TLL1: variants seen among roughly 807,000 people sequenced by gnomAD.
TLL1 encodes tolloid-like protein 1.
Under a neutral mutation model 128.2 loss-of-function variants are expected in TLL1, and 49 were observed. The observed-to-expected ratio is 0.38, with a 90% CI of 0.30 to 0.48. The LOEUF is 0.48. Ranked by LOEUF, TLL1 falls within the 20% of genes least tolerant of loss-of-function variation. The pLI, the probability that TLL1 is intolerant of heterozygous loss-of-function variation, is 0.96. For missense variants in TLL1, 1,123 were observed against 1,242.0 expected, an observed-to-expected ratio of 0.90 and a Z score of 1.44; for synonymous variants, 454 against 418.8, an observed-to-expected ratio of 1.08 and a Z score of -1.03.
chr4:165,886,591 T>C (rs2110821941), intron 1 of TLL1, among the ~76,000 whole-genome samples: 1 of 152,254 alleles, frequency 6.6e-6, no homozygotes, highest in South Asian at 2.1e-4. Context: ...GGTAGCAAAA[T>C]CTGAGAATGC....
chr4:166,091,643 A>G (rs1156841415), intron 19 of TLL1, among the ~76,000 whole-genome samples: 1 of 152,136 alleles, frequency 6.6e-6, no homozygotes, highest in Admixed American at 6.6e-5. Flanking sequence ...TGTATTTCAT[A>G]TTAACATTAG....
chr4:166,086,014 A>G (rs973998359), intron 18 of TLL1, among the ~76,000 whole-genome samples: 2 of 152,162 alleles, frequency 1.3e-5, no homozygotes, highest in African/African-American at 4.8e-5. Context: ...TGAGATAACA[A>G]TTATTTTGGT....
At chr4:165,933,359 G>T (rs551278636) in intron 1 of TLL1, among the ~76,000 whole-genome samples, 1 of 152,174 alleles carries the variant, frequency 6.6e-6, no homozygotes, top group Non-Finnish European at 1.5e-5. Context: ...CCTCCCCTGG[G>T]AGGCAATGAT....
intron 6 of TLL1, among the ~76,000 whole-genome samples, chr4:166,007,447 G>A (rs920172988): frequency 2.0e-5 from 3 of 151,712 alleles, no homozygotes; most frequent in East Asian, 3.9e-4. Context: ...TGATGAAATC[G>A]TGGAGCAAAA....
rs564349227 is a variant in TLL1, at chr4:166,048,277, A to G, written c.1524+4858A>G. ...AAAAAAGGCCTAGGGAGCTTCTACC[A>G]TGTGAGGGCAAAATGAAAAGGCAAC... On this transcript the variant is annotated intron_variant, in intron 12 of 20. Transcript: ENST00000061240. 7.2e-3 allele frequency among the ~76,000 whole-genome samples: 1,090 copies of G among 150,880 alleles called. 9 individuals are homozygous for G. The highest frequency in any genetic ancestry group is 9.1e-3 in the Non-Finnish European group (615 of 67,812).
intron 1 of TLL1, among the ~76,000 whole-genome samples, chr4:165,948,082 C>A (rs1387681421): frequency 6.6e-6 from 1 of 152,116 alleles, no homozygotes; most frequent in Non-Finnish European, 1.5e-5. Flanking sequence ...GAGCTGTGAT[C>A]CACAGAGGAG....
chr4:166,084,466 A>G (rs1741415607), intron 18 of TLL1, among the ~76,000 whole-genome samples: 1 of 152,124 alleles, frequency 6.6e-6, no homozygotes, highest in Admixed American at 6.6e-5. Context: ...GCCCAGACCA[A>G]TGTCATGGAA....
intron 1 of TLL1, among the ~76,000 whole-genome samples, chr4:165,939,631 T>C (rs1416331899): frequency 6.6e-6 from 1 of 152,076 alleles, no homozygotes; most frequent in Non-Finnish European, 1.5e-5. Flanking sequence ...AATTGGTTTG[T>C]TTCTTCTTCA....
chr4:165,955,255 A>C (rs1734727944), intron 1 of TLL1, among the ~76,000 whole-genome samples: 1 of 152,050 alleles, frequency 6.6e-6, no homozygotes, highest in African/African-American at 2.4e-5. Context: ...AGAAAAAAGA[A>C]ATTATAAAAT....
At chr4:165,973,944 G>A (rs1226672098) in intron 1 of TLL1, among the ~76,000 whole-genome samples, 2 of 151,990 alleles carry the variant, frequency 1.3e-5, no homozygotes, top group Non-Finnish European at 2.9e-5. Context: ...GGGATTACAG[G>A]CATGAGCCAC....
At chr4:165,990,921 G>A (rs2111012218) in intron 2 of TLL1, among the ~76,000 whole-genome samples, 1 of 152,088 alleles carries the variant, frequency 6.6e-6, no homozygotes, top group East Asian at 1.9e-4. Flanking sequence ...ACCACAGATA[G>A]CGTATCCCTC....
At chr4:166,031,013 G>T (rs924549015) in intron 9 of TLL1, 1 of 934,676 alleles carries the variant, frequency 1.1e-6, no homozygotes, top group African/African-American at 1.8e-5. Context: ...GTTATCAAAA[G>T]TGATTTAACA....
chr4:165,882,462 G>A (rs1055112107), intron 1 of TLL1, among the ~76,000 whole-genome samples: 14 of 151,796 alleles, frequency 9.2e-5, no homozygotes, highest in African/African-American at 3.1e-4. Flanking sequence ...TTTTATATAT[G>A]TATATTCTTT....
intron 9 of TLL1, among the ~76,000 whole-genome samples, chr4:166,028,691 CT>C (rs899865735): frequency 5.1e-4 from 77 of 152,018 alleles, no homozygotes; most frequent in African/African-American, 1.6e-3. Flanking sequence ...TTTTATCCCC[CT>C]GATGTATTAA....
In TLL1 at chr4:166,014,566, GCACTA is replaced by G; in HGVS notation, c.1042+10_1042+14del. ...AAAGCTGTATAGATGTCCAGGTATT[GCACTA>G]CACAAACACAAGAGCATGACTGTAC... On this transcript the variant is annotated splice_region_variant and intron_variant, in intron 8 of 20. Coordinates refer to ENST00000061240, the MANE Select transcript of TLL1 (RefSeq NM_012464.5). The G allele has an allele frequency of 6.2e-7, 1 of 1,611,182 alleles. No individual in the cohort carries two copies. The highest frequency in any genetic ancestry group is 8.5e-7 in the Non-Finnish European group (1 of 1,178,134).
At chr4:165,913,945 G>A (rs921748783) in intron 1 of TLL1, among the ~76,000 whole-genome samples, 1 of 152,066 alleles carries the variant, frequency 6.6e-6, no homozygotes, top group South Asian at 2.1e-4. Flanking sequence ...GAGCTGGAGA[G>A]GTCTAGGTTG....
chr4:165,922,900 A>C (rs1458353004), intron 1 of TLL1, among the ~76,000 whole-genome samples: 1 of 152,156 alleles, frequency 6.6e-6, no homozygotes, highest in Non-Finnish European at 1.5e-5. Context: ...TCAGTCTCTG[A>C]TTCCTTGAGA....
chr4:166,081,827 G>A (rs1248537803), intron 18 of TLL1, among the ~76,000 whole-genome samples: 1 of 151,868 alleles, frequency 6.6e-6, no homozygotes, highest in Admixed American at 6.6e-5. Context: ...ATATCCAAGG[G>A]GAAGTAGAAC....
At chr4:165,972,377 A>G (rs189776928) in intron 1 of TLL1, among the ~76,000 whole-genome samples, 11 of 152,012 alleles carry the variant, frequency 7.2e-5, no homozygotes, top group Non-Finnish European at 1.3e-4. Flanking sequence ...TATCATTATC[A>G]TATATTCTTT....
Sources: gnomAD v4.1 joint callset for allele counts (sites outside exome capture counted in the v4.1 genomes callset) on GRCh38, gnomAD v4.1.1 for gene constraint, MANE v1.5 for transcripts, NCBI Gene and HGNC (gene_info 2026-07-23, HGNC 2026-07-21) for gene names.